Variants in TTBK1 observed in about 807,000 individuals in gnomAD.
TTBK1 encodes tau tubulin kinase 1.
In TTBK1, 34 loss-of-function variants were observed where a neutral mutation model predicts 108.5. The ratio of observed to expected loss-of-function variants is 0.31; its 90% CI spans 0.24 to 0.42. The LOEUF (loss-of-function observed/expected upper bound fraction) is 0.42, where lower values mean the gene tolerates loss of function less well. TTBK1 is among the 10% of genes least tolerant of loss of function. TTBK1 has a pLI of 1.00. For missense variants in TTBK1, 1,539 were observed against 1,826.0 expected, an observed-to-expected ratio of 0.84 and a Z score of 2.86; for synonymous variants, 809 against 795.1, an observed-to-expected ratio of 1.02 and a Z score of -0.29.
At chr6:43,245,790 G>A (rs1777069585) in intron 1 of TTBK1, among the ~76,000 whole-genome samples, 1 of 152,094 alleles carries the variant, frequency 6.6e-6, no homozygotes, top group African/African-American at 2.4e-5. Context: ...CTCACCCCAT[G>A]CCCACCCAGA....
chr6:43,246,856 C>A, intron 2 of TTBK1, 88 bp downstream of exon 2: 2 of 1,021,704 alleles, frequency 2.0e-6, no homozygotes, highest in South Asian at 1.6e-5. Context: ...GCCCTCCGCT[C>A]CCCTACCCTA....
rs751400303 is a variant in TTBK1, at chr6:43,270,960, C to T, written c.1986+7610C>T. ...AGCCCCAAGGGCGGTGGTGAAGACA[C>T]AGCAGAAGAGAGGCAGGTTGGATAG... On this transcript the variant is annotated intron_variant, in intron 13 of 14. Coordinates refer to ENST00000259750, the MANE Select transcript of TTBK1 (RefSeq NM_032538.3). 3 of 985,492 alleles carry T rather than the reference C, an allele frequency of 3.0e-6. 1 individual carries two copies. The highest frequency in any genetic ancestry group is 1.7e-5 in the African/African-American group (1 of 57,364). 61.0% of individuals were successfully genotyped at this position (985,492 alleles called of 1,614,324 possible).
chr6:43,264,676 G>A (rs1260730744), intron 13 of TTBK1, among the ~76,000 whole-genome samples: 1 of 152,158 alleles, frequency 6.6e-6, no homozygotes, highest in Admixed American at 6.5e-5. Flanking sequence ...CAGGGGAGAA[G>A]GTCCTCGAAA....
intron 13 of TTBK1, among the ~76,000 whole-genome samples, chr6:43,267,937 C>T (rs1415703944): frequency 6.6e-6 from 1 of 152,146 alleles, no homozygotes; most frequent in Non-Finnish European, 1.5e-5. Flanking sequence ...TTTTGGAGCT[C>T]AAGGTCACAA....
intron 13 of TTBK1, among the ~76,000 whole-genome samples, chr6:43,267,211 A>T (rs1034602963): frequency 2.0e-5 from 3 of 152,106 alleles, no homozygotes; most frequent in African/African-American, 7.2e-5. Flanking sequence ...ATCTTCCTTC[A>T]TCAAGGGTAG....
At position 43,269,539 on chromosome 6, in the gene TTBK1, A is replaced by T; in HGVS notation, c.1986+6189A>T. The T allele has an allele frequency of 1.5e-6, 2 of 1,318,046 alleles. No homozygotes were observed. The highest frequency in any genetic ancestry group is 2.0e-6 in the Non-Finnish European group (2 of 1,002,470). 81.6% of individuals were successfully genotyped at this position (1,318,046 alleles called of 1,614,324 possible). On this transcript the variant is annotated intron_variant, in intron 13 of 14. Coordinates refer to ENST00000259750, the MANE Select transcript of TTBK1 (RefSeq NM_032538.3). This position sits in a 1 kb window ranked among gnomAD's most constrained non-coding sequence, Gnocchi z 4.8. ...GCCTGACCCCGCCCACTTGCCCGGG[A>T]CGCCGGCGCCGCAGGGGCTGTGAGC...
At chr6:43,246,536 C>T (rs1708385849) in intron 1 of TTBK1, 71 bp from the exon 2 acceptor site, 1 of 629,962 alleles carries the variant, frequency 1.6e-6, no homozygotes, top group Non-Finnish European at 2.8e-6. Flanking sequence ...GAGTGGAGCT[C>T]CTCTCCTCCA....
chr6:43,254,219 C>T (rs901294971), intron 5 of TTBK1, among the ~76,000 whole-genome samples: 7 of 152,382 alleles, frequency 4.6e-5, no homozygotes, highest in East Asian at 1.9e-4. Flanking sequence ...ACACCAGTTA[C>T]ACCAAATCAC....
At chr6:43,249,563 C>T (rs1562081408) in intron 2 of TTBK1, among the ~76,000 whole-genome samples, 1 of 151,368 alleles carries the variant, frequency 6.6e-6, no homozygotes, top group East Asian at 1.9e-4. Context: ...ATTTTTTTCC[C>T]CTGATGATTT....
In TTBK1 at chr6:43,259,070, T is replaced by G. The variant is rs1276278132; in HGVS notation, c.1049T>G (p.Leu350Arg). The change falls in exon 11 of 15, where the codon CTG becomes CGG. Residue 350 changes from leucine to arginine, a missense_variant. Coordinates refer to ENST00000259750, the MANE Select transcript of TTBK1 (RefSeq NM_032538.3). The surrounding 1 kb of genome is among the most constrained non-coding windows in gnomAD (Gnocchi z 6.7). ...VVNVTPVPGD[L>R]LRENTEDVLQ... ...AATGTGACGCCAGTGCCTGGGGACC[T>G]GCTCCGGGAGAACACCGAGGATGTG... 2 of 1,613,678 alleles carry G rather than the reference T, an allele frequency of 1.2e-6. No homozygotes were observed. Among genetic ancestry groups the G allele is most frequent in the Non-Finnish European group, 1.7e-6 (2 of 1,179,818 alleles).
chr6:43,283,160 C>T lies in TTBK1; in HGVS notation c.2420C>T (p.Thr807Met). ...CGGAGCCAGGAGGGTGCCCCGTCCA[C>T]GCTGCTGGCAGACGATCAGAAGGAG... The part of the protein sequence containing the change: ...TDRSQEGAPS[T>M]LLADDQKESR... Residue 807 changes from threonine (T) to methionine (M), a missense_variant, in exon 14 of 15, where the codon ACG becomes ATG. By Grantham distance (81) the Thr-to-Met change is moderately conservative (BLOSUM62 -1). Transcript: ENST00000259750. The surrounding 1 kb of genome is among the most constrained non-coding windows in gnomAD (Gnocchi z 8.1). 2.6e-6 allele frequency: 4 copies of T among 1,561,846 alleles called. No individual in the cohort carries two copies. Among genetic ancestry groups the T allele is most frequent in the Non-Finnish European group, 3.5e-6 (4 of 1,153,680 alleles).
In TTBK1 at chr6:43,275,471, T is replaced by G. The variant is rs868018301; in HGVS notation, c.1987-7256T>G. On this transcript the variant is annotated intron_variant, in intron 13 of 14. Coordinates refer to ENST00000259750, the MANE Select transcript of TTBK1 (RefSeq NM_032538.3). ...GGGGCGGGCTGGAGTGGGGCTCCCC[T>G]CAGTGCTGCCAGGCTGGGGTGCGGA... Among the ~76,000 whole-genome samples the G allele has an allele frequency of 7.1e-3, 1,079 of 151,264 alleles. 8 individuals are homozygous for G. The highest frequency in any genetic ancestry group is 0.024 in the African/African-American group (990 of 41,076).
At position 43,274,668 on chromosome 6, in the gene TTBK1, C is replaced by T. The variant is rs142979635; in HGVS notation, c.1987-8059C>T. Among the ~76,000 whole-genome samples, 427 of 151,212 alleles carry T rather than the reference C, an allele frequency of 2.8e-3. 4 individuals carry two copies. Among genetic ancestry groups the T allele is most frequent in the African/African-American group, 9.6e-3 (398 of 41,284 alleles). On this transcript the variant is annotated intron_variant, in intron 13 of 14. Coordinates refer to ENST00000259750, the MANE Select transcript of TTBK1 (RefSeq NM_032538.3). ...CACCCTACCCCAAACTCCACTTAGACCTGGGACACACTCAACTCAAGGGGC... is the reference window on the plus strand; with the variant it reads ...CACCCTACCCCAAACTCCACTTAGATCTGGGACACACTCAACTCAAGGGGC...
At chr6:43,277,901 G>A (rs757573023) in intron 13 of TTBK1, among the ~76,000 whole-genome samples, 29 of 152,172 alleles carry the variant, frequency 1.9e-4, no homozygotes, top group Non-Finnish European at 3.7e-4. Flanking sequence ...AGGCATGCAC[G>A]AGGCAGTTTC....
Position 43,269,549 on chromosome 6 carries a change from CG to C in TTBK1, c.1986+6200del. On this transcript the variant is annotated intron_variant, in intron 13 of 14. Transcript: ENST00000259750. The surrounding 1 kb of genome is among the most constrained non-coding windows in gnomAD (Gnocchi z 4.8). Reference sequence around the variant, plus strand: ...GCCCACTTGCCCGGGACGCCGGCGCCGCAGGGGCTGTGAGCGGTGGGTGGCC... The same window carrying C: ...GCCCACTTGCCCGGGACGCCGGCGCCCAGGGGCTGTGAGCGGTGGGTGGCC... 7.3e-7 allele frequency: 1 copy of C among 1,371,502 alleles called. No individual in the cohort carries two copies. Among genetic ancestry groups the C allele is most frequent in the Non-Finnish European group, 9.5e-7 (1 of 1,048,038 alleles). 85.0% of individuals were successfully genotyped at this position (1,371,502 alleles called of 1,614,324 possible).
chr6:43,281,934 G>T (rs1182099310), intron 13 of TTBK1, among the ~76,000 whole-genome samples: 1 of 152,142 alleles, frequency 6.6e-6, no homozygotes, highest in Non-Finnish European at 1.5e-5. Flanking sequence ...AAGGAAGGAG[G>T]CTAAGGGGGA....
intron 13 of TTBK1, chr6:43,272,043 G>A: frequency 1.0e-6 from 1 of 985,464 alleles, no homozygotes; most frequent in African/African-American, 1.7e-5. Flanking sequence ...GTGAGGGGGT[G>A]AGGCTGAACA....
In TTBK1 at chr6:43,283,481, G is replaced by A; in HGVS notation, c.2741G>A (p.Gly914Glu). The A allele has an allele frequency of 6.2e-7, 1 of 1,614,134 alleles. No homozygotes were observed. Among genetic ancestry groups the A allele is most frequent in the Non-Finnish European group, 8.5e-7 (1 of 1,179,986 alleles). ...LGAGTVTTGVGGVAVTSSPFT... is the reference protein window; with the variant it reads ...LGAGTVTTGVEGVAVTSSPFT... ...GCCGGGACAGTGACCACAGGGGTCG[G>A]GGGCGTGGCAGTCACCTCCTCACCC... is the stretch of plus-strand genomic sequence containing the variant. The change falls in exon 14 of 15, where the codon GGG becomes GAG. Residue 914 changes from glycine to glutamate, a missense_variant. Gly to Glu is a moderately conservative substitution (Grantham distance 98). Around this residue, in one of 5 missense-constraint regions of TTBK1, gnomAD observed 1,055 missense variants for 1,086.5 expected, o/e 0.97. Transcript: ENST00000259750. The surrounding 1 kb of genome is among the most constrained non-coding windows in gnomAD (Gnocchi z 8.1).
At position 43,263,532 on chromosome 6, in the gene TTBK1, G is replaced by A. The variant is rs1031109800; in HGVS notation, c.1986+182G>A. 1.3e-5 allele frequency among the ~76,000 whole-genome samples: 2 copies of A among 152,234 alleles called. No homozygotes were observed. The highest frequency in any genetic ancestry group is 4.8e-5 in the African/African-American group (2 of 41,458). ...TTTGAGGGGCAGGCAAGGCTTCCCA[G>A]AGGAAGTGCCCTCTCAGTTCTGAGT... On this transcript the variant is annotated intron_variant, in intron 13 of 14. Transcript: ENST00000259750. This position sits in a 1 kb window ranked among gnomAD's most constrained non-coding sequence, Gnocchi z 4.7.
Sources: gnomAD v4.1 joint callset for allele counts (sites outside exome capture counted in the v4.1 genomes callset) on GRCh38, gnomAD v4.1.1 for gene constraint, gnomAD v4.1.1 regional missense constraint, Gnocchi (gnomAD v3.1) non-coding constraint, MANE v1.5 for transcripts, NCBI Gene and HGNC (gene_info 2026-07-23, HGNC 2026-07-21) for gene names.